LINGO2: variants seen among roughly 807,000 people sequenced by gnomAD.
The protein encoded by LINGO2 is leucine-rich repeat and immunoglobulin-like domain-containing nogo receptor-interacting protein 2.
A neutral mutation model predicts 30.6 loss-of-function variants in LINGO2; 14 were observed. The observed-to-expected ratio is 0.46, with a 90% confidence interval of 0.30 to 0.72. The LOEUF is 0.72. Ranked by LOEUF, LINGO2 falls within the 30% of genes least tolerant of loss-of-function variation. The pLI is 0.07. For synonymous variants in LINGO2, 317 were observed against 288.5 expected (o/e 1.10, Z -1.00); for missense variants, 729 against 751.7 (o/e 0.97, Z 0.35).
rs76328865 is a variant in LINGO2 at position 28,442,619 on chromosome 9, A to G, written c.-279+33321T>C. ...AGGAACATATACTTCCATTAAATGC[A>G]TTCATTTATTTTCTTGTTTTTAAAC... On this transcript the variant is annotated intron_variant, in intron 2 of 5. Transcript: ENST00000379992. 4.6e-5 allele frequency among the ~76,000 whole-genome samples: 7 copies of G among 152,008 alleles called. No homozygotes were observed. In the East Asian group the frequency reaches 1.2e-3, roughly 25 times the overall value.
At chr9:28,937,819 G>A in the LINGO2 span, among the ~76,000 whole-genome samples, 1 of 151,874 alleles carries the variant, frequency 6.6e-6, no homozygotes, top group African/African-American at 2.4e-5. Context: ...TTTAAGTTCA[G>A]GGGTACAAGG....
chr9:29,123,923 AT>A, the LINGO2 span, among the ~76,000 whole-genome samples: 1 of 152,078 alleles, frequency 6.6e-6, no homozygotes, highest in East Asian at 1.9e-4. Context: ...TAAACAAAGT[AT>A]TTTTAAAGAC....
intron 2 of LINGO2, among the ~76,000 whole-genome samples, chr9:28,451,733 T>G (rs1824654769): frequency 6.6e-6 from 1 of 151,750 alleles, no homozygotes; most frequent in Non-Finnish European, 1.5e-5. Flanking sequence ...TCTGTATGAA[T>G]ATTTTGGTGT....
intron 4 of LINGO2, among the ~76,000 whole-genome samples, chr9:28,251,415 C>T (rs563767059): frequency 1.3e-3 from 201 of 152,166 alleles, no homozygotes; most frequent in African/African-American, 4.4e-3. Flanking sequence ...AATTAGTAAA[C>T]GTAGACTGTC....
intron 1 of LINGO2, among the ~76,000 whole-genome samples, chr9:28,635,240 C>T (rs1432919978): frequency 6.6e-6 from 1 of 152,060 alleles, no homozygotes; most frequent in East Asian, 1.9e-4. Flanking sequence ...ATTAGAGTAG[C>T]TGTAATTAAT....
chr9:28,678,698 TACTC>T, the LINGO2 span, among the ~76,000 whole-genome samples: 1 of 152,112 alleles, frequency 6.6e-6, no homozygotes, highest in East Asian at 1.9e-4. Context: ...GCACATCAAA[TACTC>T]AATAAATGGA....
At chr9:28,612,429 A>T (rs1398541368) in intron 1 of LINGO2, among the ~76,000 whole-genome samples, 1 of 152,116 alleles carries the variant, frequency 6.6e-6, no homozygotes, top group East Asian at 1.9e-4. Flanking sequence ...CAACACCAAC[A>T]CATGAAATCA....
At chr9:28,436,522 G>C (rs910873769) in intron 2 of LINGO2, among the ~76,000 whole-genome samples, 1 of 151,718 alleles carries the variant, frequency 6.6e-6, no homozygotes, top group African/African-American at 2.4e-5. Flanking sequence ...CAGTGGCGCA[G>C]TCTCGGCTCA....
chr9:29,032,033 A>C, the LINGO2 span, among the ~76,000 whole-genome samples: 2 of 152,178 alleles, frequency 1.3e-5, no homozygotes, highest in Non-Finnish European at 2.9e-5. Flanking sequence ...ATAGCAATCC[A>C]AGTGGCAATC....
At chr9:28,338,763 T>C (rs1375555707) in intron 3 of LINGO2, among the ~76,000 whole-genome samples, 1 of 152,110 alleles carries the variant, frequency 6.6e-6, no homozygotes, top group East Asian at 1.9e-4. Flanking sequence ...ACGTTCCTGC[T>C]TCCCCTTCCA....
the LINGO2 span, among the ~76,000 whole-genome samples, chr9:29,001,294 C>T: frequency 3.3e-5 from 5 of 151,872 alleles, no homozygotes; most frequent in African/African-American, 1.2e-4. Context: ...ACAGTGAAAA[C>T]TAGCTTTTCC....
At chr9:28,944,779 A>G in the LINGO2 span, among the ~76,000 whole-genome samples, 13,115 of 152,240 alleles carry the variant, frequency 0.086, 743 homozygotes, top group East Asian at 0.23. Context: ...TTTAAATGAA[A>G]GATGACATAC....
At chr9:28,022,635 A>G (rs977647579) in intron 4 of LINGO2, among the ~76,000 whole-genome samples, 1 of 151,168 alleles carries the variant, frequency 6.6e-6, no homozygotes. Flanking sequence ...TCTTGCTTGC[A>G]TAACTCTCTT....
intron 4 of LINGO2, among the ~76,000 whole-genome samples, chr9:28,014,549 CTTT>C (rs372354736): frequency 1.3e-5 from 1 of 77,910 alleles, no homozygotes; most frequent in Non-Finnish European, 2.6e-5. Flanking sequence ...ATAAATTTTA[CTTT>C]TTTATCCAGG....
intron 5 of LINGO2, among the ~76,000 whole-genome samples, chr9:28,006,449 T>A (rs868164679): frequency 1.3e-5 from 2 of 152,132 alleles, no homozygotes; most frequent in East Asian, 3.9e-4. Context: ...ATTCAGCCAC[T>A]GAGAGCAAGA....
chr9:28,594,048 T>TA lies in LINGO2; in HGVS notation c.-365+76151dup, dbSNP rs1004858301. 1.6e-4 allele frequency among the ~76,000 whole-genome samples: 24 copies of TA among 150,628 alleles called. 1 individual carries two copies. The highest frequency in any genetic ancestry group is 3.4e-3 in the Middle Eastern group (1 of 294). ...AATCAACATGCTGGATTTTTCAAAA[T>TA]AAAAAAAAACACAAAAGTACCCGTG... On this transcript the variant is annotated intron_variant, in intron 1 of 5. Transcript: ENST00000379992.
intron 1 of LINGO2, among the ~76,000 whole-genome samples, chr9:28,496,337 G>T (rs1159031845): frequency 6.6e-6 from 1 of 152,006 alleles, no homozygotes; most frequent in Non-Finnish European, 1.5e-5. Flanking sequence ...TATGAATCTG[G>T]GTGCTCCCGT....
At chr9:28,089,862 T>TA (rs1225260805) in intron 4 of LINGO2, among the ~76,000 whole-genome samples, 2 of 151,918 alleles carry the variant, frequency 1.3e-5, no homozygotes, top group African/African-American at 2.4e-5. Flanking sequence ...ATAGATGCAA[T>TA]AAAAAATGAT....
At chr9:28,182,583 T>A (rs1819388724) in intron 4 of LINGO2, among the ~76,000 whole-genome samples, 1 of 151,982 alleles carries the variant, frequency 6.6e-6, no homozygotes. Flanking sequence ...AGGTCTAACA[T>A]CCAGAATTTA....
Sources: gnomAD v4.1 joint callset for allele counts (sites outside exome capture counted in the v4.1 genomes callset) on GRCh38, gnomAD v4.1.1 for gene constraint, MANE v1.5 for transcripts, NCBI Gene and HGNC (gene_info 2026-07-23, HGNC 2026-07-21) for gene names.